The following PAN3 variants were observed in gnomAD, a reference collection of about 807,000 sequenced individuals.
PAN3 encodes the protein PAN2-PAN3 deadenylation complex subunit PAN3.
In PAN3, 19 loss-of-function variants were observed where a neutral mutation model predicts 96.2. That is an observed-to-expected ratio of 0.20 (90% CI 0.14 to 0.29). The LOEUF is 0.29. Among genes scored for constraint, PAN3 ranks in the 10% least tolerant of loss-of-function variants. The pLI, the probability that PAN3 is intolerant of heterozygous loss-of-function variation, is 1.00. For missense variants in PAN3, 882 were observed against 1,108.1 expected, an observed-to-expected ratio of 0.80 and a Z score of 2.90; for synonymous variants, 433 against 406.6, an observed-to-expected ratio of 1.06 and a Z score of -0.78.
chr13:28,207,195 T>G (rs1444639578), intron 5 of PAN3, among the ~76,000 whole-genome samples: 1 of 152,260 alleles, frequency 6.6e-6, no homozygotes, highest in South Asian at 2.1e-4. Context: ...GTTATTGATA[T>G]CATTTGGTGT....
chr13:28,283,838 A>G (rs914502759), intron 17 of PAN3, among the ~76,000 whole-genome samples: 2 of 152,200 alleles, frequency 1.3e-5, no homozygotes, highest in African/African-American at 2.4e-5. Flanking sequence ...TCTAGACAGT[A>G]TGGTTCCAGA....
At chr13:28,220,018 A>G (rs1324236884) in intron 5 of PAN3, among the ~76,000 whole-genome samples, 1 of 152,222 alleles carries the variant, frequency 6.6e-6, no homozygotes, top group East Asian at 1.9e-4. Context: ...AAAATTCTGC[A>G]AATGAAATGA....
At chr13:28,230,858 G>T (rs1882480388) in intron 6 of PAN3, among the ~76,000 whole-genome samples, 1 of 152,158 alleles carries the variant, frequency 6.6e-6, no homozygotes. Flanking sequence ...TACTCAAACA[G>T]TCACTACCAC....
Position 28,261,436 on chromosome 13 carries a change from A to T in PAN3, c.1389A>T (p.Gln463His). ...LINRHLITMAQIDQADMPAVP... is the reference protein window; with the variant it reads ...LINRHLITMAHIDQADMPAVP... ...ACAGACATTTAATAACAATGGCTCA[A>T]ATTGATCAAGCAGATATGCCAGGTA... The change falls in exon 9 of 19, where the codon CAA becomes CAT. Residue 463 changes from glutamine to histidine, a missense_variant. This residue lies in a region of PAN3 where 364 missense variants were observed against 513.6 expected (regional missense o/e 0.71). Coordinates refer to ENST00000380958, the MANE Select transcript of PAN3 (RefSeq NM_175854.8). 1 of 1,611,122 alleles carries T rather than the reference A, an allele frequency of 6.2e-7. No individual in the cohort carries two copies. Among genetic ancestry groups the T allele is most frequent in the Non-Finnish European group, 8.5e-7 (1 of 1,178,352 alleles).
chr13:28,252,934 G>A lies in PAN3; in HGVS notation c.1001-3358G>A, dbSNP rs140443742. Among the ~76,000 whole-genome samples, 63 of 152,250 alleles carry A rather than the reference G, an allele frequency of 4.1e-4. 2 individuals are homozygous for A. The East Asian group carries it at 0.011, about 27-fold the overall frequency. ...TGTCAGTTAATATCAGGGTGTTCCA[G>A]TAACCATTGGTAGCCCTTTCCCTGC... On this transcript the variant is annotated intron_variant, in intron 6 of 18. Coordinates refer to ENST00000380958, the MANE Select transcript of PAN3 (RefSeq NM_175854.8).
intron 7 of PAN3, among the ~76,000 whole-genome samples, chr13:28,257,317 C>T (rs934598475): frequency 3.9e-5 from 6 of 152,000 alleles, no homozygotes; most frequent in African/African-American, 9.7e-5. Flanking sequence ...TTCCATGTTA[C>T]GTAAATTGTA....
intron 6 of PAN3, among the ~76,000 whole-genome samples, chr13:28,242,580 G>T (rs953765556): frequency 6.6e-6 from 1 of 152,148 alleles, no homozygotes; most frequent in African/African-American, 2.4e-5. Flanking sequence ...CATCAAGAAG[G>T]TATTTCAGAA....
At chr13:28,234,975 A>C (rs1429971159) in intron 6 of PAN3, among the ~76,000 whole-genome samples, 1 of 152,176 alleles carries the variant, frequency 6.6e-6, no homozygotes, top group Non-Finnish European at 1.5e-5. Flanking sequence ...AACAAAAGTA[A>C]TCTTAAATAT....
At chr13:28,260,858 A>G (rs1266144121) in intron 8 of PAN3, among the ~76,000 whole-genome samples, 1 of 152,242 alleles carries the variant, frequency 6.6e-6, no homozygotes, top group African/African-American at 2.4e-5. Context: ...GGTTTCTAAC[A>G]GTATTTTTCT....
chr13:28,266,349 A>T (rs1886175308), intron 9 of PAN3, among the ~76,000 whole-genome samples: 1 of 152,352 alleles, frequency 6.6e-6, no homozygotes, highest in African/African-American at 2.4e-5. Context: ...AGCATTAAAA[A>T]ATACATGTTT....
intron 12 of PAN3, among the ~76,000 whole-genome samples, chr13:28,267,628 G>A (rs549927819): frequency 6.6e-6 from 1 of 152,300 alleles, no homozygotes; most frequent in South Asian, 2.1e-4. Flanking sequence ...TGTGGCTTGG[G>A]AGGTCTCACA....
intron 4 of PAN3, among the ~76,000 whole-genome samples, chr13:28,178,876 C>T (rs891125124): frequency 6.6e-6 from 1 of 152,028 alleles, no homozygotes; most frequent in African/African-American, 2.4e-5. Flanking sequence ...TAGTTATCCC[C>T]AAACTCGTTG....
At chr13:28,153,694 A>G (rs749325679) in intron 1 of PAN3, among the ~76,000 whole-genome samples, 8 of 152,212 alleles carry the variant, frequency 5.3e-5, no homozygotes, top group Non-Finnish European at 8.8e-5. Flanking sequence ...AAGAATCAGT[A>G]AAGATAACTA....
intron 7 of PAN3, among the ~76,000 whole-genome samples, chr13:28,258,206 A>G (rs1014967271): frequency 1.3e-5 from 2 of 152,224 alleles, no homozygotes; most frequent in Non-Finnish European, 2.9e-5. Context: ...AAACCTTACA[A>G]GTATCACAAA....
intron 5 of PAN3, among the ~76,000 whole-genome samples, chr13:28,202,366 A>T (rs1878821912): frequency 6.6e-6 from 1 of 152,064 alleles, no homozygotes; most frequent in Non-Finnish European, 1.5e-5. Context: ...ATAAATAGTG[A>T]GATTGTTTAT....
intron 1 of PAN3, among the ~76,000 whole-genome samples, chr13:28,139,936 G>GTGTTGT (rs568234142): frequency 4.5e-4 from 68 of 151,756 alleles, no homozygotes; most frequent in South Asian, 4.2e-4. Context: ...TCTTTTTCAT[G>GTGTTGT]TGTTGTTGTT....
intron 1 of PAN3, among the ~76,000 whole-genome samples, chr13:28,167,571 T>G (rs1873743425): frequency 6.6e-6 from 1 of 150,942 alleles, no homozygotes; most frequent in Non-Finnish European, 1.5e-5. Context: ...GTGAGGTGGC[T>G]CATGCCTGTA....
chr13:28,152,040 A>G (rs917258370), intron 1 of PAN3, among the ~76,000 whole-genome samples: 12 of 152,212 alleles, frequency 7.9e-5, no homozygotes, highest in African/African-American at 2.4e-4. Flanking sequence ...ATCTATTGAT[A>G]AATCAGTAGG....
chr13:28,198,011 G>A (rs974627895), intron 5 of PAN3, among the ~76,000 whole-genome samples: 1 of 152,062 alleles, frequency 6.6e-6, no homozygotes, highest in Non-Finnish European at 1.5e-5. Context: ...GGTGGTGCAC[G>A]CCTGTAATCC....
Sources: allele counts gnomAD v4.1 joint callset (sites outside exome capture counted in the v4.1 genomes callset), GRCh38; gene constraint gnomAD v4.1.1; regional missense constraint gnomAD v4.1.1; transcripts MANE v1.5; gene names NCBI Gene and HGNC (gene_info 2026-07-23, HGNC 2026-07-21).